COL28A1: variants seen among roughly 807,000 people sequenced by gnomAD.
COL28A1 encodes collagen type XXVIII alpha 1 chain.
Under a neutral mutation model 150.2 loss-of-function variants are expected in COL28A1, and 161 were observed. The ratio of observed to expected loss-of-function variants is 1.07; its 90% CI spans 0.94 to 1.22. COL28A1 has a LOEUF of 1.22. Among genes scored for constraint, COL28A1 ranks in the 50% most tolerant of loss-of-function variants. The probability of loss-of-function intolerance (pLI) is 0.00; values close to 1 mark genes in which losing one functional copy is unlikely to be tolerated. For synonymous variants in COL28A1, 552 were observed against 469.7 expected (o/e 1.18, Z -2.26); for missense variants, 1,617 against 1,388.3 (o/e 1.16, Z -2.62).
At chr7:7,399,124 T>G (rs1186730082) in intron 27 of COL28A1, among the ~76,000 whole-genome samples, 1 of 152,080 alleles carries the variant, frequency 6.6e-6, no homozygotes, top group East Asian at 1.9e-4. Context: ...ACCAAATCCA[T>G]CAAAATACAC....
chr7:7,386,494 A>C (rs917414002), intron 27 of COL28A1, among the ~76,000 whole-genome samples: 1 of 152,208 alleles, frequency 6.6e-6, no homozygotes, highest in African/African-American at 2.4e-5. Context: ...GCATCTAAGG[A>C]AAGTCAAGAT....
chr7:7,417,532 GGGAGGGA>G lies in COL28A1; in HGVS notation c.2136+320_2136+326del, dbSNP rs1344640977. 140 of 110,176 alleles carry G rather than the reference GGGAGGGA, an allele frequency of 1.3e-3. 3 individuals carry two copies. The African/African-American group carries it at 0.019, about 15-fold the overall frequency. The allele number at this position is 110,176 out of a possible 1,614,324, so 6.8% of individuals were successfully genotyped here. A position where few individuals can be genotyped will look rare whatever the true frequency, so the allele number is the denominator to read the frequency against. On this transcript the variant is annotated intron_variant, in intron 27 of 34. Coordinates refer to ENST00000399429, the MANE Select transcript of COL28A1 (RefSeq NM_001037763.3). The stretch of plus-strand genomic sequence containing the variant: ...GAGGGAAGGAGGGAGGGGGGAGGGA[GGGAGGGA>G]GGGGGGGGGGAGAGAGAGAGAGAGA...
chr7:7,364,543 G>T (rs944926900), intron 33 of COL28A1, among the ~76,000 whole-genome samples: 1 of 152,044 alleles, frequency 6.6e-6, no homozygotes, highest in East Asian at 1.9e-4. Flanking sequence ...TTGTTCTTTC[G>T]TTAAGATGCT....
chr7:7,485,781 T>A (rs1429905287), intron 13 of COL28A1, among the ~76,000 whole-genome samples: 2 of 152,058 alleles, frequency 1.3e-5, no homozygotes, highest in Non-Finnish European at 2.9e-5. Context: ...TAGGTCTGAA[T>A]CTGGGGTCTC....
chr7:7,449,285 A>C (rs571905941), intron 18 of COL28A1, among the ~76,000 whole-genome samples: 24 of 152,252 alleles, frequency 1.6e-4, no homozygotes, highest in African/African-American at 4.8e-4. Context: ...GTATCGTATT[A>C]ACAAGTTAAA....
chr7:7,509,162 G>A (rs546261986), intron 9 of COL28A1, among the ~76,000 whole-genome samples: 36 of 151,634 alleles, frequency 2.4e-4, no homozygotes, highest in African/African-American at 7.0e-4. Flanking sequence ...ACAGGGTTTC[G>A]CTCTGTTACC....
rs1230102934 is a variant in COL28A1, at chr7:7,373,745, T to C, written c.2360-199A>G. ...AGACAGAGTCTCGCTGTCGCCCAGG[T>C]TGGAGTGCAGTGGCGCGATCTCGGC... On this transcript the variant is annotated intron_variant, in intron 31 of 34. Transcript: ENST00000399429. The surrounding 1 kb of genome is among the most constrained non-coding windows in gnomAD (Gnocchi z 4.1). 6.0e-5 allele frequency among the ~76,000 whole-genome samples: 9 copies of C among 150,958 alleles called. No homozygotes were observed. Among genetic ancestry groups the C allele is most frequent in the Non-Finnish European group, 8.9e-5 (6 of 67,782 alleles).
chr7:7,355,386 G>A (rs546606429), downstream of COL28A1, among the ~76,000 whole-genome samples: 47 of 152,192 alleles, frequency 3.1e-4, no homozygotes, highest in Middle Eastern at 0.027. Context: ...GAGGCTCATG[G>A]ATCACTTGAG....
chr7:7,478,535 C>T (rs572154328), intron 13 of COL28A1, among the ~76,000 whole-genome samples: 4 of 152,368 alleles, frequency 2.6e-5, no homozygotes, highest in South Asian at 4.1e-4. Flanking sequence ...AGTCCCAGGC[C>T]CTGCGCCCAC....
At chr7:7,444,758 G>C (rs879388343) in intron 18 of COL28A1, among the ~76,000 whole-genome samples, 1 of 152,052 alleles carries the variant, frequency 6.6e-6, no homozygotes, top group African/African-American at 2.4e-5. Context: ...TGGAAACATG[G>C]TCTTTGCAGA....
At chr7:7,444,764 G>C (rs999132095) in intron 18 of COL28A1, among the ~76,000 whole-genome samples, 1 of 152,080 alleles carries the variant, frequency 6.6e-6, no homozygotes, top group Non-Finnish European at 1.5e-5. Flanking sequence ...CATGGTCTTT[G>C]CAGATTTAAT....
At chr7:7,347,861 G>A in the COL28A1 span, among the ~76,000 whole-genome samples, 1 of 152,022 alleles carries the variant, frequency 6.6e-6, no homozygotes, top group Non-Finnish European at 1.5e-5. Flanking sequence ...ACAGGATGAA[G>A]GCTGGATTGT....
At chr7:7,398,093 T>C (rs1782951116) in intron 27 of COL28A1, among the ~76,000 whole-genome samples, 1 of 152,186 alleles carries the variant, frequency 6.6e-6, no homozygotes, top group Non-Finnish European at 1.5e-5. Context: ...GTTCTTATAA[T>C]AAATAGCTGA....
At chr7:7,541,330 TG>T in the COL28A1 span, among the ~76,000 whole-genome samples, 1 of 152,186 alleles carries the variant, frequency 6.6e-6, no homozygotes, top group Non-Finnish European at 1.5e-5. Flanking sequence ...TTTTCCTATT[TG>T]GGGATATGAA....
At chr7:7,528,914 T>C (rs1167464764) in intron 3 of COL28A1, among the ~76,000 whole-genome samples, 1 of 152,178 alleles carries the variant, frequency 6.6e-6, no homozygotes, top group Non-Finnish European at 1.5e-5. Context: ...AAAAGTCAAC[T>C]ACATAATTAT....
intron 15 of COL28A1, among the ~76,000 whole-genome samples, chr7:7,465,238 AGT>A (rs1787974912): frequency 6.7e-6 from 1 of 149,692 alleles, no homozygotes; most frequent in African/African-American, 2.5e-5. Context: ...GGCGCCGGCC[AGT>A]GTGTGTGCGC....
chr7:7,421,300 A>G (rs1784380163), intron 25 of COL28A1, among the ~76,000 whole-genome samples: 1 of 152,234 alleles, frequency 6.6e-6, no homozygotes, highest in Non-Finnish European at 1.5e-5. Flanking sequence ...GGCCAGGGAC[A>G]GCAACATGGA....
chr7:7,376,852 C>T (rs556075093), intron 30 of COL28A1, among the ~76,000 whole-genome samples: 39 of 152,100 alleles, frequency 2.6e-4, no homozygotes, highest in Non-Finnish European at 4.6e-4. Context: ...AAAGGCTCTG[C>T]GATACACACT....
chr7:7,459,587 T>C (rs1190641887), intron 15 of COL28A1, among the ~76,000 whole-genome samples: 1 of 152,244 alleles, frequency 6.6e-6, no homozygotes, highest in African/African-American at 2.4e-5. Flanking sequence ...ATTTCTTATA[T>C]CCTTCCCCCT....
Sources: allele counts gnomAD v4.1 joint callset (sites outside exome capture counted in the v4.1 genomes callset), GRCh38; gene constraint gnomAD v4.1.1; non-coding constraint Gnocchi (gnomAD v3.1); transcripts MANE v1.5; gene names NCBI Gene and HGNC (gene_info 2026-07-23, HGNC 2026-07-21).